DHX57: variants seen among roughly 807,000 people sequenced by gnomAD.
DHX57 encodes the protein DExH-box helicase 57, also known as putative ATP-dependent RNA helicase DHX57.
A neutral mutation model predicts 156.2 loss-of-function variants in DHX57; 105 were observed. The observed-to-expected ratio is 0.67, with a 90% CI of 0.57 to 0.79. The LOEUF is 0.79. Ranked by LOEUF, DHX57 falls within the 30% of genes least tolerant of loss-of-function variation. The probability of loss-of-function intolerance (pLI) is 0.00; values close to 1 mark genes in which losing one functional copy is unlikely to be tolerated. For missense variants in DHX57, 1,847 were observed against 1,661.9 expected (o/e 1.11, Z -1.94); for synonymous variants, 704 against 595.6 (o/e 1.18, Z -2.65).
chr2:38,839,177 G>A (rs1005319791), intron 12 of DHX57, among the ~76,000 whole-genome samples: 1 of 151,434 alleles, frequency 6.6e-6, no homozygotes, highest in African/African-American at 2.4e-5. Context: ...TGATCCACCC[G>A]CCTCGGCCTC....
rs553363823 is a variant in DHX57 at position 38,873,691 on chromosome 2, A to G, written c.-7+2096T>C. ...TTCATTCCACAAATATTTATTGAGC[A>G]CTTATTATGTGCCAGATCCTGGGGA... On this transcript the variant is annotated intron_variant, in intron 1 of 23. Coordinates refer to ENST00000457308, the MANE Select transcript of DHX57 (RefSeq NM_198963.3). Among the ~76,000 whole-genome samples the G allele has an allele frequency of 4.7e-4, 71 of 152,358 alleles. 1 individual carries two copies. The South Asian group carries it at 0.013, about 28-fold the overall frequency.
At chr2:38,811,540 C>T (rs1670247672) in intron 21 of DHX57, 1 of 1,141,318 alleles carries the variant, frequency 8.8e-7, no homozygotes, top group African/African-American at 1.5e-5. Context: ...TCCTTCTGGC[C>T]AACATTGGCC....
chr2:38,871,955 G>C (rs1192058287), intron 1 of DHX57, among the ~76,000 whole-genome samples: 1 of 152,096 alleles, frequency 6.6e-6, no homozygotes, highest in Non-Finnish European at 1.5e-5. Flanking sequence ...TGATCCGCCT[G>C]CCTCGGCCTC....
intron 1 of DHX57, among the ~76,000 whole-genome samples, chr2:38,872,569 A>C (rs906542508): frequency 6.6e-6 from 1 of 152,232 alleles, no homozygotes; most frequent in Non-Finnish European, 1.5e-5. Context: ...ACTACAAGAA[A>C]GGTGGAGTGG....
In DHX57 at chr2:38,798,232, G is replaced by A; in HGVS notation, c.*67C>T. 1 of 1,556,654 alleles carries A rather than the reference G, an allele frequency of 6.4e-7. No individual in the cohort carries two copies. Among genetic ancestry groups the A allele is most frequent in the Non-Finnish European group, 8.7e-7 (1 of 1,154,344 alleles). ...CAATAGGTCTTTAGTTCGAGGTAGA[G>A]GTTCTGCTGTTATTTCCCAGGTGAG... On this transcript the variant is annotated 3_prime_UTR_variant, in exon 24 of 24. Transcript: ENST00000457308.
intron 19 of DHX57, among the ~76,000 whole-genome samples, chr2:38,817,170 G>A (rs1429635703): frequency 3.9e-5 from 6 of 152,016 alleles, no homozygotes; most frequent in Non-Finnish European, 8.8e-5. Flanking sequence ...GGGCTCAAAG[G>A]TTCTGCCTGC....
intron 8 of DHX57, 54 bp from the exon 9 acceptor site, chr2:38,854,232 A>G: frequency 4.4e-6 from 7 of 1,576,654 alleles, no homozygotes; most frequent in Non-Finnish European, 6.0e-6. Flanking sequence ...AAAAAAGGAA[A>G]CATTACTGGA....
chr2:38,806,637 T>C lies in DHX57; in HGVS notation c.3738A>G (p.Gln1246=), dbSNP rs1025739140. The change falls in exon 22 of 24, where the codon CAA becomes CAG. Residue 1246 remains glutamine (Q), a synonymous_variant. Transcript: ENST00000457308. The stretch of plus-strand genomic sequence containing the variant: ...CAAACTTCAACTCAGCTGATTTTGG[T>C]TGCATTCTGACAGCTCCAGTACTGG... ...QKTSTGAVRM[Q]PKSAELKFVT... 8.1e-6 allele frequency: 13 copies of C among 1,614,184 alleles called. No individual in the cohort carries two copies. In the Middle Eastern group the frequency reaches 6.6e-4, roughly 82 times the overall value.
chr2:38,862,881 T>C (rs775760745), intron 3 of DHX57: 3 of 156,022 alleles, frequency 1.9e-5, no homozygotes, highest in Admixed American at 6.3e-5. Context: ...TTAATTTTGG[T>C]AAATGGAAAG....
chr2:38,868,915 C>T (rs905723911), intron 1 of DHX57, among the ~76,000 whole-genome samples: 14 of 152,134 alleles, frequency 9.2e-5, no homozygotes, highest in African/African-American at 1.4e-4. Context: ...AATTCTCCTA[C>T]CTCAGCCTCT....
intron 10 of DHX57, among the ~76,000 whole-genome samples, chr2:38,847,704 C>T (rs1672362866): frequency 2.0e-5 from 3 of 152,158 alleles, no homozygotes; most frequent in Admixed American, 2.0e-4. Flanking sequence ...GACAGACTGC[C>T]ACTATCAACT....
intron 22 of DHX57, among the ~76,000 whole-genome samples, chr2:38,803,358 C>T (rs989929572): frequency 1.3e-5 from 2 of 152,084 alleles, no homozygotes; most frequent in African/African-American, 2.4e-5. Flanking sequence ...GCTGCTCAGG[C>T]CCCCAATTTA....
intron 12 of DHX57, 71 bp downstream of exon 12, chr2:38,842,934 C>T: frequency 6.6e-7 from 1 of 1,515,560 alleles, no homozygotes; most frequent in Non-Finnish European, 9.1e-7. Flanking sequence ...TTTTCTTCTT[C>T]CGAATCTTGG....
intron 15 of DHX57, 54 bp from the exon 16 acceptor site, chr2:38,826,101 A>G: frequency 1.3e-6 from 2 of 1,549,096 alleles, no homozygotes; most frequent in Admixed American, 3.6e-5. Flanking sequence ...CATGGCCAAG[A>G]CTGCTTGCTA....
At chr2:38,819,889 C>G (rs1314390263) in intron 17 of DHX57, among the ~76,000 whole-genome samples, 1 of 152,144 alleles carries the variant, frequency 6.6e-6, no homozygotes, top group Non-Finnish European at 1.5e-5. Context: ...TATTTTATTA[C>G]AAATGTTTAC....
chr2:38,810,363 C>G, intron 21 of DHX57: 1 of 465,614 alleles, frequency 2.1e-6, no homozygotes, highest in African/African-American at 2.0e-5. Context: ...TACAAATTAT[C>G]ACAACAATTA....
rs61442219 is a variant in DHX57, at chr2:38,838,815, C to T, written c.2426-868G>A. On this transcript the variant is annotated intron_variant, in intron 12 of 23. Coordinates refer to ENST00000457308, the MANE Select transcript of DHX57 (RefSeq NM_198963.3). ...ATTGTAATATCTTCATTAACACCCACGGAGTCTACTCATAGACCCTCACAA... is the reference window on the plus strand; with the variant it reads ...ATTGTAATATCTTCATTAACACCCATGGAGTCTACTCATAGACCCTCACAA... 7.9e-4 allele frequency: 362 copies of T among 456,198 alleles called. 3 individuals carry two copies. The highest frequency in any genetic ancestry group is 5.6e-3 in the African/African-American group (279 of 50,134). The allele number at this position is 456,198 out of a possible 1,614,324, so 28.3% of individuals were successfully genotyped here.
In DHX57 at chr2:38,819,865, G is replaced by A. The variant is rs138650343; in HGVS notation, c.3292-721C>T. 2.4e-4 allele frequency among the ~76,000 whole-genome samples: 37 copies of A among 152,216 alleles called. 1 individual carries two copies. The East Asian group carries it at 7.1e-3, about 29-fold the overall frequency. ...ATTGTTTTACTTGAAAATCTACACT[G>A]GGAAGAATCCTCTTATTTTATTACA... On this transcript the variant is annotated intron_variant, in intron 17 of 23. Transcript: ENST00000457308.
intron 10 of DHX57, among the ~76,000 whole-genome samples, chr2:38,848,052 C>A (rs1287739911): frequency 6.6e-6 from 1 of 151,612 alleles, no homozygotes; most frequent in Non-Finnish European, 1.5e-5. Flanking sequence ...CACTGCACTC[C>A]AGCCTGGGTG....
Sources: gnomAD v4.1 joint callset for allele counts (sites outside exome capture counted in the v4.1 genomes callset) on GRCh38, gnomAD v4.1.1 for gene constraint, MANE v1.5 for transcripts, NCBI Gene and HGNC (gene_info 2026-07-23, HGNC 2026-07-21) for gene names.